The following RAPGEF4 variants were observed in gnomAD, a reference collection of about 807,000 sequenced individuals.
RAPGEF4 encodes the protein Rap guanine nucleotide exchange factor 4.
A neutral mutation model predicts 147.9 loss-of-function variants in RAPGEF4; 66 were observed. The ratio of observed to expected loss-of-function variants is 0.45; its 90% CI spans 0.37 to 0.55. The LOEUF is 0.55. Ranked by LOEUF, RAPGEF4 falls within the 20% of genes least tolerant of loss-of-function variation. The pLI is 0.00. For synonymous variants in RAPGEF4, 419 were observed against 442.7 expected (o/e 0.95, Z 0.67); for missense variants, 1,071 against 1,257.3 (o/e 0.85, Z 2.24).
chr2:172,896,956 G>A (rs190444082), intron 4 of RAPGEF4, among the ~76,000 whole-genome samples: 56 of 152,222 alleles, frequency 3.7e-4, no homozygotes, highest in African/African-American at 1.2e-3. Context: ...GTTCCTGTGC[G>A]GTGAGCGGCT....
intron 27 of RAPGEF4, among the ~76,000 whole-genome samples, chr2:173,034,218 C>T (rs1219915211): frequency 1.3e-5 from 2 of 152,224 alleles, no homozygotes; most frequent in Non-Finnish European, 2.9e-5. Context: ...ATAGCGTCCT[C>T]TCCATCCAGC....
At chr2:173,036,579 A>G (rs777568338) in intron 28 of RAPGEF4, 49 bp from the exon 29 acceptor site, 21 of 1,390,324 alleles carry the variant, frequency 1.5e-5, no homozygotes, top group Non-Finnish European at 2.0e-6. Flanking sequence ...CTTTCTTAGT[A>G]TGACATATTT....
intron 1 of RAPGEF4, among the ~76,000 whole-genome samples, chr2:172,772,185 G>GC (rs1198762439): frequency 1.3e-5 from 2 of 152,136 alleles, no homozygotes; most frequent in African/African-American, 4.8e-5. Flanking sequence ...ACTGCAGTGA[G>GC]CCATGATCTG....
rs145758018 is a variant in RAPGEF4, at chr2:172,872,270, G to A, written c.445-45532G>A. Among the ~76,000 whole-genome samples, 896 of 152,214 alleles carry A rather than the reference G, an allele frequency of 5.9e-3. 3 individuals are homozygous for A. The highest frequency in any genetic ancestry group is 0.01 in the Middle Eastern group (3 of 294). On this transcript the variant is annotated intron_variant, in intron 4 of 30. Transcript: ENST00000397081. ...AACAAAACTCTTCAGAGGCTTATCT[G>A]TGACGAACTATTATTCCTTTTTAAG...
Position 173,036,212 on chromosome 2 carries a change from G to A in RAPGEF4, c.2788G>A (p.Asp930Asn). The A allele has an allele frequency of 3.7e-6, 6 of 1,600,304 alleles. No individual in the cohort carries two copies. Among genetic ancestry groups the A allele is most frequent in the Non-Finnish European group, 5.1e-6 (6 of 1,168,082 alleles). ...LIPFMPLLIK[D>N]MTFTHEGNKT... Reference sequence around the variant, plus strand: ...CCCCTTCATGCCTTTGCTCATTAAAGGTAATCCTAATAAGATGCACAGGCC... The same window carrying A: ...CCCCTTCATGCCTTTGCTCATTAAAAGTAATCCTAATAAGATGCACAGGCC... The change falls in exon 28 of 31, where the codon GAT becomes AAT. Residue 930 changes from aspartate to asparagine, a missense_variant and splice_region_variant. Transcript: ENST00000397081.
At chr2:173,010,863 C>A (rs945081104) in intron 17 of RAPGEF4, among the ~76,000 whole-genome samples, 3 of 152,138 alleles carry the variant, frequency 2.0e-5, no homozygotes, top group Non-Finnish European at 2.9e-5. Flanking sequence ...GAGCAGAATC[C>A]TTTAGCAATG....
chr2:172,751,236 G>T (rs1559022153), intron 1 of RAPGEF4, among the ~76,000 whole-genome samples: 1 of 152,098 alleles, frequency 6.6e-6, no homozygotes, highest in African/African-American at 2.4e-5. Flanking sequence ...TTTACTATCT[G>T]CTTACCATGT....
In RAPGEF4 at chr2:172,814,293, C is replaced by T. The variant is rs766619818; in HGVS notation, c.312C>T (p.Ile104=). ...GGGATCCTCAGGATGCTGTGACCAT[C>T]TGTACCCTGGGAATTGGGACGGCCT... ...ETSSHQDAVT[I]CTLGIGTAFG... is the part of the protein sequence containing the mutation. Residue 104 remains isoleucine (I), a synonymous_variant, in exon 4 of 31, where the codon ATC becomes ATT. Transcript: ENST00000397081. The T allele has an allele frequency of 6.2e-7, 1 of 1,614,202 alleles. No homozygotes were observed. Among genetic ancestry groups the T allele is most frequent in the Non-Finnish European group, 8.5e-7 (1 of 1,180,024 alleles).
intron 4 of RAPGEF4, chr2:172,821,938 C>T (rs769740364): frequency 1.2e-6 from 2 of 1,613,260 alleles, no homozygotes; most frequent in South Asian, 1.1e-5. Context: ...TGTCTGAGAA[C>T]TTTGAGAGAC....
intron 3 of RAPGEF4, among the ~76,000 whole-genome samples, chr2:172,813,495 G>A (rs1320654290): frequency 3.3e-5 from 5 of 152,186 alleles, no homozygotes; most frequent in Admixed American, 2.0e-4. Flanking sequence ...TGTTGTGGCT[G>A]CAGGAGGCAG....
At chr2:172,927,275 G>A (rs1222410254) in intron 6 of RAPGEF4, among the ~76,000 whole-genome samples, 1 of 152,132 alleles carries the variant, frequency 6.6e-6, no homozygotes, top group African/African-American at 2.4e-5. Context: ...AGGGTCAAAA[G>A]GTTAGGAATT....
chr2:173,027,130 C>G lies in RAPGEF4; in HGVS notation c.2429C>G (p.Thr810Arg). ...GGAAGGCATAATTTTAAAAAGACCACAGCAAACTTGGATTTGTTCCTGAGG... is the reference window on the plus strand; with the variant it reads ...GGAAGGCATAATTTTAAAAAGACCAGAGCAAACTTGGATTTGTTCCTGAGG... The part of the protein sequence containing the change: ...TFGRHNFKKT[T>R]ANLDLFLRRF... The change falls in exon 25 of 31, where the codon ACA becomes AGA. Residue 810 changes from threonine to arginine, a missense_variant. Physicochemically the swap from Thr to Arg is moderately conservative, Grantham distance 71 (BLOSUM62 -1). Coordinates refer to ENST00000397081, the MANE Select transcript of RAPGEF4 (RefSeq NM_007023.4). 6.2e-7 allele frequency: 1 copy of G among 1,612,882 alleles called. No individual in the cohort carries two copies. Among genetic ancestry groups the G allele is most frequent in the Non-Finnish European group, 8.5e-7 (1 of 1,179,608 alleles).
At position 172,750,408 on chromosome 2, in the gene RAPGEF4, G is replaced by A. The variant is rs75456962; in HGVS notation, c.65+14360G>A. On this transcript the variant is annotated intron_variant, in intron 1 of 30. Transcript: ENST00000397081. ...GAGAGAATTAGAACCAAGCAGAAGC[G>A]TTTTTTTCCCTTTATAAAACCATCA... is the stretch of plus-strand genomic sequence containing the variant. Among the ~76,000 whole-genome samples, 918 of 151,902 alleles carry A rather than the reference G, an allele frequency of 6.0e-3. 9 individuals carry two copies. Among genetic ancestry groups the A allele is most frequent in the African/African-American group, 0.02 (848 of 41,438 alleles).
At chr2:172,953,713 G>C (rs1165047991) in intron 6 of RAPGEF4, among the ~76,000 whole-genome samples, 1 of 152,174 alleles carries the variant, frequency 6.6e-6, no homozygotes, top group African/African-American at 2.4e-5. Context: ...TTCAGCTCTT[G>C]TTGGAGCTGA....
chr2:172,766,206 C>G (rs1233769039), intron 1 of RAPGEF4, among the ~76,000 whole-genome samples: 2 of 151,690 alleles, frequency 1.3e-5, no homozygotes, highest in African/African-American at 4.8e-5. Flanking sequence ...TGAGGTAGAC[C>G]ATGATACAAT....
intron 1 of RAPGEF4, 33 bp from the exon 2 acceptor site, chr2:172,794,992 G>T (rs1453204931): frequency 1.3e-6 from 2 of 1,578,940 alleles, no homozygotes; most frequent in East Asian, 2.3e-5. Flanking sequence ...AATCTTTACT[G>T]ACATAGCTTT....
At chr2:173,039,462 CAAAA>C (rs758124973) in intron 29 of RAPGEF4, among the ~76,000 whole-genome samples, 3 of 120,024 alleles carry the variant, frequency 2.5e-5, no homozygotes, top group African/African-American at 6.2e-5. Flanking sequence ...GACTCTGTCT[CAAAA>C]AAAAAAAAAA....
At chr2:173,013,068 C>T (rs188778161) in intron 17 of RAPGEF4, among the ~76,000 whole-genome samples, 1 of 152,274 alleles carries the variant, frequency 6.6e-6, no homozygotes, top group East Asian at 1.9e-4. Context: ...ATCTCGTGCT[C>T]AATTTATGAA....
intron 4 of RAPGEF4, among the ~76,000 whole-genome samples, chr2:172,911,758 C>CTTTTT (rs34659758): frequency 7.9e-5 from 5 of 63,244 alleles, no homozygotes; most frequent in Non-Finnish European, 1.1e-4. Context: ...TGTGCTAAGC[C>CTTTTT]TTTTTTTTTT....
Sources: allele counts gnomAD v4.1 joint callset (sites outside exome capture counted in the v4.1 genomes callset), GRCh38; gene constraint gnomAD v4.1.1; transcripts MANE v1.5; gene names NCBI Gene and HGNC (gene_info 2026-07-23, HGNC 2026-07-21).